KCNMB2: variants seen among roughly 807,000 people sequenced by gnomAD.
KCNMB2 encodes calcium-activated potassium channel subunit beta-2.
Under a neutral mutation model 24.5 loss-of-function variants are expected in KCNMB2, and 9 were observed. The observed-to-expected ratio is 0.37, with a 90% CI of 0.22 to 0.64. The LOEUF is 0.64. KCNMB2 is among the 30% of genes least tolerant of loss of function. The probability of loss-of-function intolerance (pLI) is 0.63; values close to 1 mark genes in which losing one functional copy is unlikely to be tolerated. For missense variants in KCNMB2, 226 were observed against 284.3 expected (o/e 0.79, Z 1.47); for synonymous variants, 109 against 104.4 (o/e 1.04, Z -0.27).
At chr3:178,551,780 ATC>A (rs1715961556) in intron 1 of KCNMB2, among the ~76,000 whole-genome samples, 2 of 152,324 alleles carry the variant, frequency 1.3e-5, no homozygotes, top group South Asian at 4.1e-4. Context: ...CACTTGAGAA[ATC>A]TCTCGCTCAG....
intron 1 of KCNMB2, among the ~76,000 whole-genome samples, chr3:178,582,431 G>T (rs1032864562): frequency 1.7e-4 from 26 of 152,204 alleles, no homozygotes; most frequent in Admixed American, 3.9e-4. Context: ...GATGGGTACA[G>T]CAAACCACCA....
intron 1 of KCNMB2, among the ~76,000 whole-genome samples, chr3:178,617,713 C>A (rs1025245362): frequency 1.3e-5 from 2 of 151,450 alleles, no homozygotes; most frequent in South Asian, 4.2e-4. Context: ...CACGATGAAA[C>A]CCCGTCTCTA....
intron 1 of KCNMB2, among the ~76,000 whole-genome samples, chr3:178,660,564 C>G (rs2108570257): frequency 6.6e-6 from 1 of 152,278 alleles, no homozygotes; most frequent in South Asian, 2.1e-4. Context: ...CTTTGCTTAG[C>G]CCATGCCCTG....
At chr3:178,609,748 C>T (rs2108514945) in intron 1 of KCNMB2, among the ~76,000 whole-genome samples, 1 of 152,114 alleles carries the variant, frequency 6.6e-6, no homozygotes, top group South Asian at 2.1e-4. Context: ...GCAGTCCTCC[C>T]ACCTCACCCC....
intron 1 of KCNMB2, among the ~76,000 whole-genome samples, chr3:178,761,685 C>T (rs1242697282): frequency 1.3e-5 from 2 of 152,132 alleles, no homozygotes; most frequent in Non-Finnish European, 2.9e-5. Flanking sequence ...TCATGCACTA[C>T]TCAACAAGCA....
At chr3:178,754,002 T>C (rs923514121) in intron 1 of KCNMB2, among the ~76,000 whole-genome samples, 2 of 151,716 alleles carry the variant, frequency 1.3e-5, no homozygotes, top group Non-Finnish European at 2.9e-5. Flanking sequence ...ATAAATTCAA[T>C]GTTTTTAGAT....
At chr3:178,827,541 G>A (rs1354064857) in intron 3 of KCNMB2, among the ~76,000 whole-genome samples, 1 of 152,198 alleles carries the variant, frequency 6.6e-6, no homozygotes, top group Non-Finnish European at 1.5e-5. Flanking sequence ...AGAAGGTAAT[G>A]TATGTAAATT....
chr3:178,691,063 G>A (rs1160809405), intron 1 of KCNMB2, among the ~76,000 whole-genome samples: 1 of 148,662 alleles, frequency 6.7e-6, no homozygotes, highest in Non-Finnish European at 1.5e-5. Context: ...TTAGTCTCCC[G>A]AGTAGCTGGG....
intron 1 of KCNMB2, among the ~76,000 whole-genome samples, chr3:178,544,116 T>C (rs1407983145): frequency 1.3e-5 from 2 of 152,128 alleles, no homozygotes; most frequent in African/African-American, 4.8e-5. Context: ...ATCATATCTA[T>C]AGTATATTTC....
chr3:178,805,903 G>A (rs146567857), intron 1 of KCNMB2, among the ~76,000 whole-genome samples: 15 of 152,180 alleles, frequency 9.9e-5, no homozygotes, highest in Non-Finnish European at 1.8e-4. Context: ...CTCTCAAATT[G>A]CTGGGATTAT....
intron 1 of KCNMB2, among the ~76,000 whole-genome samples, chr3:178,789,250 AACAC>A (rs1157537197): frequency 2.6e-5 from 4 of 152,178 alleles, no homozygotes; most frequent in African/African-American, 9.6e-5. Flanking sequence ...TGTTTTACAT[AACAC>A]ATGACAGAGG....
intron 1 of KCNMB2, among the ~76,000 whole-genome samples, chr3:178,668,958 G>T (rs1720810309): frequency 6.6e-6 from 1 of 152,116 alleles, no homozygotes; most frequent in African/African-American, 2.4e-5. Flanking sequence ...ATCTCTAGAG[G>T]TCCAATTCAT....
chr3:178,805,560 G>A (rs1436062653), intron 1 of KCNMB2, among the ~76,000 whole-genome samples: 1 of 152,138 alleles, frequency 6.6e-6, no homozygotes, highest in Non-Finnish European at 1.5e-5. Flanking sequence ...TTGAGAGCTT[G>A]TTACAAAGGC....
rs187380831 is a variant in KCNMB2, at chr3:178,842,661, T to C, written c.432T>C (p.Tyr144=). Residue 144 remains tyrosine (Y), a synonymous_variant, in exon 5 of 5, where the codon TAT becomes TAC. Transcript: ENST00000452583. The stretch of plus-strand genomic sequence containing the variant: ...TATCTTATTCTCCACAGTGCTCCTA[T>C]ATACCTAAATGTGGAAAAAATTTTG... ...ETIKINQKCS[Y]IPKCGKNFEE... 14 of 1,603,524 alleles carry C rather than the reference T, an allele frequency of 8.7e-6. No homozygotes were observed. In the Admixed American group the frequency reaches 2.2e-4, roughly 25 times the overall value.
chr3:178,811,968 C>T (rs553687964), intron 2 of KCNMB2, among the ~76,000 whole-genome samples: 1 of 151,758 alleles, frequency 6.6e-6, no homozygotes, highest in South Asian at 2.1e-4. Context: ...AAATATTTGC[C>T]CCAATTAGGT....
intron 1 of KCNMB2, among the ~76,000 whole-genome samples, chr3:178,644,408 G>T (rs1719839231): frequency 1.3e-5 from 2 of 152,198 alleles, no homozygotes; most frequent in Non-Finnish European, 2.9e-5. Flanking sequence ...TGTCCTCCAT[G>T]GCGCCATGTG....
rs777753416 is a variant in KCNMB2 at position 178,828,251 on chromosome 3, T to C, written c.301T>C (p.Cys101Arg). 6.2e-7 allele frequency: 1 copy of C among 1,613,920 alleles called. No individual in the cohort carries two copies. Among genetic ancestry groups the C allele is most frequent in the Admixed American group, 1.7e-5 (1 of 60,018 alleles). ...GGAAACATTTAATTGCTCCTTCAGC[T>C]GTGGTCCAGACTGCTGGAAACTTTC... is the stretch of plus-strand genomic sequence containing the variant. Reference protein sequence around the residue: ...ITETFNCSFSCGPDCWKLSQY... With the variant: ...ITETFNCSFSRGPDCWKLSQY... The change falls in exon 4 of 5, where the codon TGT becomes CGT. Residue 101 changes from cysteine to arginine, a missense_variant. Cys to Arg is a radical substitution (Grantham distance 180). Coordinates refer to ENST00000452583, the MANE Select transcript of KCNMB2 (RefSeq NM_181361.3).
At chr3:178,783,966 C>T (rs1003028164) in intron 1 of KCNMB2, among the ~76,000 whole-genome samples, 2 of 152,148 alleles carry the variant, frequency 1.3e-5, no homozygotes, top group African/African-American at 2.4e-5. Flanking sequence ...AAATACGTCC[C>T]ATCAATATCT....
At chr3:178,600,126 C>T (rs771714008) in intron 1 of KCNMB2, among the ~76,000 whole-genome samples, 5 of 152,168 alleles carry the variant, frequency 3.3e-5, no homozygotes, top group Non-Finnish European at 5.9e-5. Flanking sequence ...GATCCACCCA[C>T]CTCGGCCTCC....
Sources: gnomAD v4.1 joint callset for allele counts (sites outside exome capture counted in the v4.1 genomes callset) on GRCh38, gnomAD v4.1.1 for gene constraint, MANE v1.5 for transcripts, NCBI Gene and HGNC (gene_info 2026-07-23, HGNC 2026-07-21) for gene names.